The following ANKRD30BL variants were observed in gnomAD, a reference collection of about 807,000 sequenced individuals.
ANKRD30BL encodes putative ankyrin repeat domain-containing protein 30B-like.
ANKRD30BL carries 20 observed loss-of-function variants against 18.4 expected under a neutral mutation model. The observed-to-expected ratio is 1.09, with a 90% confidence interval of 0.77 to 1.58. The LOEUF is 1.58. Ranked by LOEUF, ANKRD30BL falls within the 40% of genes most tolerant of loss-of-function variation. The pLI, the probability that ANKRD30BL is intolerant of heterozygous loss-of-function variation, is 0.00. For synonymous variants in ANKRD30BL, 72 were observed against 100.9 expected (o/e 0.71, Z 1.72); for missense variants, 224 against 268.6 (o/e 0.83, Z 1.16).
At chr2:132,168,261 G>T (rs189900715) in intron 1 of ANKRD30BL, among the ~76,000 whole-genome samples, 85 of 151,930 alleles carry the variant, frequency 5.6e-4, no homozygotes, top group African/African-American at 1.7e-3. Flanking sequence ...TATTTCTTTT[G>T]GTGACTTATC....
chr2:132,246,103 G>A (rs908416970), intron 1 of ANKRD30BL, among the ~76,000 whole-genome samples: 7 of 150,812 alleles, frequency 4.6e-5, no homozygotes, highest in Admixed American at 1.3e-4. Flanking sequence ...ATAGATTGAC[G>A]CTTTCCTTGG....
intron 1 of ANKRD30BL, among the ~76,000 whole-genome samples, chr2:132,184,543 A>C (rs1446098894): frequency 6.6e-6 from 1 of 152,250 alleles, no homozygotes; most frequent in East Asian, 1.9e-4. Context: ...AAACAGTGAA[A>C]TAATGTATGG....
chr2:132,212,724 G>T (rs1168301614), intron 1 of ANKRD30BL, among the ~76,000 whole-genome samples: 3 of 151,738 alleles, frequency 2.0e-5, no homozygotes, highest in African/African-American at 7.3e-5. Context: ...TCTTTTCTTT[G>T]AGCATCTTTG....
At chr2:132,237,345 T>G (rs958745733) in intron 1 of ANKRD30BL, among the ~76,000 whole-genome samples, 2 of 152,056 alleles carry the variant, frequency 1.3e-5, no homozygotes, top group African/African-American at 4.8e-5. Context: ...AACTCACAGT[T>G]AAAACTTTCC....
intron 1 of ANKRD30BL, among the ~76,000 whole-genome samples, chr2:132,184,437 T>A (rs1284874886): frequency 2.6e-5 from 4 of 152,212 alleles, no homozygotes; most frequent in Non-Finnish European, 4.4e-5. Context: ...TTTGTAGAAA[T>A]GTTCCAGACT....
intron 1 of ANKRD30BL, among the ~76,000 whole-genome samples, chr2:132,187,463 C>T (rs1440380501): frequency 1.3e-5 from 2 of 150,922 alleles, no homozygotes; most frequent in Admixed American, 6.6e-5. Flanking sequence ...CACAGGCGCC[C>T]GCCACCACGC....
intron 5 of ANKRD30BL, among the ~76,000 whole-genome samples, chr2:132,149,451 A>C (rs573411069): frequency 3.9e-5 from 6 of 152,326 alleles, no homozygotes; most frequent in African/African-American, 1.2e-4. Flanking sequence ...TGTTGGTACA[A>C]GACTATGTAA....
intron 1 of ANKRD30BL, among the ~76,000 whole-genome samples, chr2:132,220,246 C>G (rs1679635671): frequency 1.3e-5 from 2 of 151,760 alleles, no homozygotes; most frequent in Admixed American, 6.6e-5. Flanking sequence ...TTGAACCTTT[C>G]TTTTGACAGA....
At chr2:132,245,049 T>C in intron 1 of ANKRD30BL, among the ~76,000 whole-genome samples, 1 of 152,306 alleles carries the variant, frequency 6.6e-6, no homozygotes, top group African/African-American at 2.4e-5. Flanking sequence ...TTGTAGAATT[T>C]ACAACTGGAT....
At position 132,217,774 on chromosome 2, in the gene ANKRD30BL, T is replaced by A. The variant is rs1360253817; in HGVS notation, n.441+39755A>T. ...GAGGTCTTCATTGGAAACGGGTATA[T>A]CTTCACATAAACTCTAGACAGAAGC... On this transcript the variant is annotated intron_variant and non_coding_transcript_variant, in intron 1 of 4. Transcript: ENST00000470729. Among the ~76,000 whole-genome samples, 3 of 152,284 alleles carry A rather than the reference T, an allele frequency of 2.0e-5. No homozygotes were observed. The East Asian group carries it at 5.8e-4, about 29-fold the overall frequency.
rs1462890169 is a variant in ANKRD30BL, at chr2:132,148,051, T to A, written c.*80A>T. ...TGTTCTTTGATGAGGAACTCAGAAC[T>A]CATTGTACTTAATCTTCCCCCTCTT... is the stretch of plus-strand genomic sequence containing the variant. On this transcript the variant is annotated 3_prime_UTR_variant, in exon 6 of 6. Coordinates refer to ENST00000409867, the MANE Select transcript of ANKRD30BL (RefSeq NM_001358416.1). The A allele has an allele frequency of 2.7e-4, 277 of 1,041,696 alleles. No homozygotes were observed. The highest frequency in any genetic ancestry group is 3.9e-4 in the Non-Finnish European group (268 of 685,490). The allele number at this position is 1,041,696 out of a possible 1,614,324, so 64.5% of individuals were successfully genotyped here.
At chr2:132,254,765 G>C (rs541378708) in intron 1 of ANKRD30BL, among the ~76,000 whole-genome samples, 1 of 152,328 alleles carries the variant, frequency 6.6e-6, no homozygotes, top group Admixed American at 6.5e-5. Flanking sequence ...GTCCCTCTAA[G>C]AAGTTGGGGG....
Position 132,148,107 on chromosome 2 carries a change from C to A in ANKRD30BL, c.*24G>T. The A allele has an allele frequency of 1.3e-6, 2 of 1,539,958 alleles. No individual in the cohort carries two copies. On this transcript the variant is annotated 3_prime_UTR_variant, in exon 6 of 6. Coordinates refer to ENST00000409867, the MANE Select transcript of ANKRD30BL (RefSeq NM_001358416.1). ...TTAAAGGATGTTTACAGGCTAAAAT[C>A]TTTGAAGAGGAATTCACTGTATCCT... is the stretch of plus-strand genomic sequence containing the variant.
chr2:132,191,248 A>G (rs540148463), intron 1 of ANKRD30BL, among the ~76,000 whole-genome samples: 2 of 152,338 alleles, frequency 1.3e-5, no homozygotes, highest in African/African-American at 4.8e-5. Flanking sequence ...TTGCAAAATC[A>G]GTGGTCCTTT....
intron 1 of ANKRD30BL, among the ~76,000 whole-genome samples, chr2:132,252,121 G>T (rs895208201): frequency 1.4e-5 from 2 of 145,944 alleles, no homozygotes; most frequent in African/African-American, 2.8e-5. Context: ...TATTAAAACT[G>T]TATTTTTTTT....
chr2:132,177,903 G>T (rs191640931), intron 1 of ANKRD30BL, among the ~76,000 whole-genome samples: 171 of 151,896 alleles, frequency 1.1e-3, no homozygotes, highest in South Asian at 2.7e-3. Context: ...TTTTTGTTTG[G>T]TTTTTTTGTT....
At chr2:132,187,529 T>C (rs192248905) in intron 1 of ANKRD30BL, among the ~76,000 whole-genome samples, 6,445 of 151,882 alleles carry the variant, frequency 0.042, 428 homozygotes, top group African/African-American at 0.15. Context: ...TTAGCAAGGA[T>C]GGTCTCGATC....
At chr2:132,173,301 C>CTTTTTTTTT (rs35866741) in intron 1 of ANKRD30BL, among the ~76,000 whole-genome samples, 1 of 129,416 alleles carries the variant, frequency 7.7e-6, no homozygotes, top group Non-Finnish European at 1.6e-5. Flanking sequence ...AATTTTGCTT[C>CTTTTTTTTT]TTTTTTTTTT....
At chr2:132,209,644 A>G (rs1558933686) in intron 1 of ANKRD30BL, among the ~76,000 whole-genome samples, 2 of 152,080 alleles carry the variant, frequency 1.3e-5, no homozygotes. Context: ...GCATGTGGAT[A>G]TTTGGATCAG....
Sources: allele counts gnomAD v4.1 joint callset (sites outside exome capture counted in the v4.1 genomes callset), GRCh38; gene constraint gnomAD v4.1.1; transcripts MANE v1.5; gene names NCBI Gene and HGNC (gene_info 2026-07-23, HGNC 2026-07-21).